The following CDH18 variants were observed in gnomAD, a reference collection of about 807,000 sequenced individuals.
The protein encoded by CDH18 is cadherin 18.
Under a neutral mutation model 67.9 loss-of-function variants are expected in CDH18, and 31 were observed. That is an observed-to-expected ratio of 0.46 (90% CI 0.34 to 0.62). The LOEUF is 0.62. CDH18 is among the 20% of genes least tolerant of loss of function. The pLI is 0.01. For synonymous variants in CDH18, 362 were observed against 347.2 expected (o/e 1.04, Z -0.48); for missense variants, 890 against 975.5 (o/e 0.91, Z 1.17).
rs1366772970 is a variant in CDH18 at position 20,541,826 on chromosome 5, G to A, written c.-580+33636C>T. ...ATATAGAAGAATCAGAATCATGTGA[G>A]AGGTAATTGTGTGGAGTGATGAAGT... On this transcript the variant is annotated intron_variant, in intron 1 of 14. Coordinates refer to the CDH18 transcript ENST00000507958. Among the ~76,000 whole-genome samples, 5 of 152,202 alleles carry A rather than the reference G, an allele frequency of 3.3e-5. No individual in the cohort carries two copies. In the East Asian group the frequency reaches 9.6e-4, roughly 29 times the overall value.
At chr5:20,268,345 C>G (rs1040522576) in intron 1 of CDH18, among the ~76,000 whole-genome samples, 1 of 152,086 alleles carries the variant, frequency 6.6e-6, no homozygotes, top group Non-Finnish European at 1.5e-5. Context: ...CCTCAGCAAA[C>G]AGGGATAATT....
intron 2 of CDH18, among the ~76,000 whole-genome samples, chr5:19,943,612 A>G (rs1384230584): frequency 6.6e-6 from 1 of 152,086 alleles, no homozygotes; most frequent in Admixed American, 6.6e-5. Flanking sequence ...CTTTTTTCAT[A>G]CCAACATGTA....
At chr5:19,704,208 G>A (rs2150494643) in intron 5 of CDH18, among the ~76,000 whole-genome samples, 1 of 152,204 alleles carries the variant, frequency 6.6e-6, no homozygotes, top group Admixed American at 6.5e-5. Flanking sequence ...AAATATAAAG[G>A]TTTGGTAGAT....
intron 5 of CDH18, among the ~76,000 whole-genome samples, chr5:19,632,948 G>A (rs541645862): frequency 6.6e-6 from 1 of 152,216 alleles, no homozygotes; most frequent in East Asian, 1.9e-4. Flanking sequence ...TGCAAAGATC[G>A]TTTTCAGACT....
At chr5:19,975,596 C>T (rs2150347876) in intron 2 of CDH18, among the ~76,000 whole-genome samples, 1 of 152,170 alleles carries the variant, frequency 6.6e-6, no homozygotes, top group South Asian at 2.1e-4. Context: ...CTCAGGAAAT[C>T]AAATTTTTAT....
At chr5:19,659,638 A>T (rs1022073277) in intron 5 of CDH18, among the ~76,000 whole-genome samples, 1 of 152,118 alleles carries the variant, frequency 6.6e-6, no homozygotes, top group African/African-American at 2.4e-5. Flanking sequence ...TTAGATGATG[A>T]GTGCTGCACC....
chr5:19,483,603 A>G, intron 11 of CDH18, 51 bp from the exon 12 acceptor site: 1 of 1,526,524 alleles, frequency 6.6e-7, no homozygotes, highest in Non-Finnish European at 8.8e-7. Flanking sequence ...CCGCCATTCA[A>G]GATTCACATT....
At chr5:20,182,420 T>C (rs1259247307) in intron 2 of CDH18, among the ~76,000 whole-genome samples, 2 of 151,712 alleles carry the variant, frequency 1.3e-5, no homozygotes, top group East Asian at 3.9e-4. Flanking sequence ...CTGACCAAAA[T>C]GGAGAAACCC....
intron 2 of CDH18, among the ~76,000 whole-genome samples, chr5:20,047,363 A>G (rs1426539072): frequency 1.3e-5 from 2 of 151,968 alleles, no homozygotes; most frequent in Admixed American, 6.6e-5. Context: ...TAGATAATAC[A>G]TGCGAAATCA....
intron 3 of CDH18, among the ~76,000 whole-genome samples, chr5:19,798,629 T>G (rs2149838472): frequency 6.6e-6 from 1 of 152,206 alleles, no homozygotes; most frequent in Admixed American, 6.5e-5. Flanking sequence ...AAGTTACCAT[T>G]TATCTCCATG....
intron 2 of CDH18, among the ~76,000 whole-genome samples, chr5:19,949,314 T>C (rs137899812): frequency 1.3e-5 from 2 of 152,274 alleles, no homozygotes; most frequent in East Asian, 3.9e-4. Context: ...GAAACCCATC[T>C]AGGTATAAGA....
At chr5:19,602,624 G>C (rs925812326) in intron 6 of CDH18, among the ~76,000 whole-genome samples, 1 of 152,138 alleles carries the variant, frequency 6.6e-6, no homozygotes, top group Non-Finnish European at 1.5e-5. Flanking sequence ...TAGTGGAGCA[G>C]TGAAATGGTA....
intron 1 of CDH18, among the ~76,000 whole-genome samples, chr5:20,438,248 A>G (rs1580998063): frequency 1.3e-5 from 2 of 150,268 alleles, no homozygotes; most frequent in East Asian, 3.9e-4. Flanking sequence ...ATATATATAT[A>G]TATATGTATG....
intron 8 of CDH18, among the ~76,000 whole-genome samples, chr5:19,567,952 C>T (rs1244421503): frequency 2.6e-5 from 4 of 152,094 alleles, no homozygotes; most frequent in African/African-American, 7.2e-5. Flanking sequence ...CACATTGAAA[C>T]ATTCACATGA....
chr5:19,914,876 A>G (rs1203192026), intron 2 of CDH18, among the ~76,000 whole-genome samples: 4 of 152,100 alleles, frequency 2.6e-5, no homozygotes, highest in African/African-American at 9.7e-5. Context: ...CAAATTTGTA[A>G]TATGATAATA....
At chr5:19,607,229 T>C (rs1748193663) in intron 6 of CDH18, among the ~76,000 whole-genome samples, 1 of 151,554 alleles carries the variant, frequency 6.6e-6, no homozygotes, top group South Asian at 2.1e-4. Context: ...AACACAGAAA[T>C]TCAAGGAGAA....
intron 2 of CDH18, among the ~76,000 whole-genome samples, chr5:20,126,334 T>C (rs562867484): frequency 3.9e-5 from 6 of 152,274 alleles, no homozygotes; most frequent in Admixed American, 6.5e-5. Flanking sequence ...AACACTTAAG[T>C]CTAACACCTG....
intron 1 of CDH18, among the ~76,000 whole-genome samples, chr5:20,494,402 G>T (rs1265315788): frequency 6.6e-6 from 1 of 152,070 alleles, no homozygotes; most frequent in Non-Finnish European, 1.5e-5. Context: ...GAGGGAGGTT[G>T]TGAGAAAGTA....
At chr5:20,301,812 T>C (rs1319762616) in intron 1 of CDH18, among the ~76,000 whole-genome samples, 1 of 130,500 alleles carries the variant, frequency 7.7e-6, no homozygotes, top group Non-Finnish European at 1.6e-5. Context: ...TTTTTTGGCA[T>C]GCAGCACATA....
Sources: gnomAD v4.1 joint callset for allele counts (sites outside exome capture counted in the v4.1 genomes callset) on GRCh38, gnomAD v4.1.1 for gene constraint, MANE v1.5 for transcripts, NCBI Gene and HGNC (gene_info 2026-07-23, HGNC 2026-07-21) for gene names.